The following DPYSL2 variants were observed in gnomAD, a reference collection of about 807,000 sequenced individuals.
The protein encoded by DPYSL2 is dihydropyrimidinase-related protein 2.
A neutral mutation model predicts 69.9 loss-of-function variants in DPYSL2; 13 were observed. That is an observed-to-expected ratio of 0.19 (90% CI 0.12 to 0.30). The LOEUF (loss-of-function observed/expected upper bound fraction) is 0.30, where lower values mean the gene tolerates loss of function less well. Ranked by LOEUF, DPYSL2 falls within the 10% of genes least tolerant of loss-of-function variation. DPYSL2 has a pLI of 1.00. For missense variants in DPYSL2, 587 were observed against 918.9 expected (o/e 0.64, Z 4.67); for synonymous variants, 326 against 359.1 (o/e 0.91, Z 1.04).
At position 26,560,392 on chromosome 8, in the gene DPYSL2, A is replaced by T. The variant is rs1801052261; in HGVS notation, c.355-21577A>T. Among the ~76,000 whole-genome samples the T allele has an allele frequency of 6.6e-6, 1 of 152,218 alleles. No homozygotes were observed. The highest frequency in any genetic ancestry group is 6.5e-5 in the Admixed American group (1 of 15,274). ...TTTAAGATAACATTTAGCTTTTATTACAATGATTGCAGCCCTCTGCTGGTG... is the reference window on the plus strand; with the variant it reads ...TTTAAGATAACATTTAGCTTTTATTTCAATGATTGCAGCCCTCTGCTGGTG... On this transcript the variant is annotated intron_variant, in intron 1 of 13. Transcript: ENST00000521913. The surrounding 1 kb of genome is among the most constrained non-coding windows in gnomAD (Gnocchi z 4.4).
intron 1 of DPYSL2, among the ~76,000 whole-genome samples, chr8:26,567,586 G>C (rs979424524): frequency 6.6e-6 from 1 of 152,264 alleles, no homozygotes; most frequent in Non-Finnish European, 1.5e-5. Flanking sequence ...TTGGCACTCT[G>C]CCAAGAGTCT....
intron 3 of DPYSL2, among the ~76,000 whole-genome samples, chr8:26,589,448 A>C (rs1801674502): frequency 6.6e-6 from 1 of 152,234 alleles, no homozygotes; most frequent in Non-Finnish European, 1.5e-5. Flanking sequence ...GGGTGAATGA[A>C]TGAGTGAGTG....
chr8:26,634,108 A>G (rs1368420188), intron 7 of DPYSL2, among the ~76,000 whole-genome samples: 2 of 152,234 alleles, frequency 1.3e-5, no homozygotes, highest in African/African-American at 2.4e-5. Flanking sequence ...GTAAGTGTGA[A>G]AATCACCCAC....
In DPYSL2 at chr8:26,567,355, C is replaced by CCCATCCATCCATCCAT. The variant is rs369652545; in HGVS notation, c.355-14612_355-14597dup. 3.1e-3 allele frequency among the ~76,000 whole-genome samples: 470 copies of CCCATCCATCCATCCAT among 149,952 alleles called. 1 individual carries two copies. Among genetic ancestry groups the CCCATCCATCCATCCAT allele is most frequent in the African/African-American group, 0.01 (414 of 40,552 alleles). On this transcript the variant is annotated intron_variant, in intron 1 of 13. Coordinates refer to ENST00000521913, the MANE Select transcript of DPYSL2 (RefSeq NM_001197293.3). Reference sequence around the variant, plus strand: ...ATATGAACATACATACATACATCTGCCCATCCATCCATCCATCTGCCCACC... The same window carrying CCCATCCATCCATCCAT: ...ATATGAACATACATACATACATCTGCCCATCCATCCATCCATCCATCCATCCATCCATCTGCCCACC...
rs115778056 is a variant in DPYSL2, at chr8:26,558,667, A to G, written c.355-23302A>G. On this transcript the variant is annotated intron_variant, in intron 1 of 13. Transcript: ENST00000521913. ...CACTAATGCAAGATGTTAATATATT[A>G]GTAATAGGAGAAACAGTGTTTGCCT... 1.6e-3 allele frequency among the ~76,000 whole-genome samples: 237 copies of G among 152,338 alleles called. 1 individual carries two copies. The highest frequency in any genetic ancestry group is 5.4e-3 in the African/African-American group (225 of 41,576).
In DPYSL2 at chr8:26,598,458, T is replaced by C. The variant is rs942018555; in HGVS notation, c.628+14475T>C. ...TTTTCCCTCCTGCTCTATGAAAACG[T>C]ATTTTCCATGTTAAAAAAGGAAGAT... On this transcript the variant is annotated intron_variant, in intron 3 of 13. Transcript: ENST00000521913. The surrounding 1 kb of genome is among the most constrained non-coding windows in gnomAD (Gnocchi z 4.2). Among the ~76,000 whole-genome samples, 1 of 152,210 alleles carries C rather than the reference T, an allele frequency of 6.6e-6. No homozygotes were observed. Among genetic ancestry groups the C allele is most frequent in the African/African-American group, 2.4e-5 (1 of 41,452 alleles).
intron 1 of DPYSL2, among the ~76,000 whole-genome samples, chr8:26,515,024 C>G (rs1428407713): frequency 1.3e-5 from 2 of 152,212 alleles, no homozygotes; most frequent in East Asian, 1.9e-4. Context: ...GGGCGGCTTC[C>G]GATTGCAGCT....
Position 26,624,302 on chromosome 8 carries a change from A to T in DPYSL2, c.788A>T (p.Asp263Val), listed in dbSNP as rs2129904696. Residue 263 changes from aspartate to valine, a missense_variant, in exon 4 of 14, where the codon GAT (aspartate) becomes GTT (valine). Coordinates refer to ENST00000521913, the MANE Select transcript of DPYSL2 (RefSeq NM_001197293.3). This position sits in a 1 kb window ranked among gnomAD's most constrained non-coding sequence, Gnocchi z 4.7. ...GAGGAGATGGAAGCGCTTGTGAAGG[A>T]TCACGGTAGGTTGCACTGAGTCAAT... ...IQEEMEALVK[D>V]HGVNSFLVYM... 6.2e-7 allele frequency: 1 copy of T among 1,614,134 alleles called. No individual in the cohort carries two copies. Among genetic ancestry groups the T allele is most frequent in the Non-Finnish European group, 8.5e-7 (1 of 1,179,992 alleles).
chr8:26,514,721 G>C lies in DPYSL2; in HGVS notation c.354+42G>C, dbSNP rs1440288388. ...GGGGTGGAGACGGAGGACGGGGCGC[G>C]GGGATCGCCCCTCCCTCGCCCCTGA... On this transcript the variant is annotated intron_variant, in intron 1 of 13. Coordinates refer to ENST00000521913, the MANE Select transcript of DPYSL2 (RefSeq NM_001197293.3). The surrounding 1 kb of genome is among the most constrained non-coding windows in gnomAD (Gnocchi z 8.4). The C allele has an allele frequency of 3.0e-6, 4 of 1,338,250 alleles. No homozygotes were observed. The highest frequency in any genetic ancestry group is 3.9e-6 in the Non-Finnish European group (4 of 1,037,628). The allele number at this position is 1,338,250 out of a possible 1,614,324, so 82.9% of individuals were successfully genotyped here.
At chr8:26,535,343 A>C (rs966925386) in intron 1 of DPYSL2, among the ~76,000 whole-genome samples, 1 of 152,108 alleles carries the variant, frequency 6.6e-6, no homozygotes, top group Non-Finnish European at 1.5e-5. Flanking sequence ...GGCCATGTGA[A>C]TTTTAGGGGA....
chr8:26,658,028 G>A lies in DPYSL2; in HGVS notation c.*2322G>A, dbSNP rs954538046. On this transcript the variant is annotated 3_prime_UTR_variant, in exon 14 of 14. Coordinates refer to ENST00000521913, the MANE Select transcript of DPYSL2 (RefSeq NM_001197293.3). The surrounding 1 kb of genome is among the most constrained non-coding windows in gnomAD (Gnocchi z 4.7). ...TTCAGTTCTAAAGCTGATAAAGTGT[G>A]TAGCCAGAAGAGTACTTTTTTTTTT... 5 of 152,530 alleles carry A rather than the reference G, an allele frequency of 3.3e-5. No homozygotes were observed. The highest frequency in any genetic ancestry group is 1.2e-4 in the African/African-American group (5 of 41,414). 9.4% of individuals were successfully genotyped at this position (152,530 alleles called of 1,614,324 possible).
At chr8:26,592,640 T>C (rs952054895) in intron 3 of DPYSL2, among the ~76,000 whole-genome samples, 24 of 151,754 alleles carry the variant, frequency 1.6e-4, no homozygotes, top group Middle Eastern at 6.9e-3. Context: ...CATGCCCAGC[T>C]AATTTTTTTT....
At chr8:26,523,153 G>GTATA (rs749896279) in intron 1 of DPYSL2, among the ~76,000 whole-genome samples, 1 of 149,746 alleles carries the variant, frequency 6.7e-6, no homozygotes, top group African/African-American at 2.5e-5. Context: ...AGACATACAT[G>GTATA]TATATATATA....
chr8:26,603,469 CTCTT>C (rs1415436826), intron 3 of DPYSL2, among the ~76,000 whole-genome samples: 1 of 152,224 alleles, frequency 6.6e-6, no homozygotes, highest in African/African-American at 2.4e-5. Flanking sequence ...CCGCGCCCGG[CTCTT>C]TCTTCTTTAT....
chr8:26,619,322 A>G lies in DPYSL2; in HGVS notation c.629-4821A>G, dbSNP rs951691355. Among the ~76,000 whole-genome samples the G allele has an allele frequency of 6.6e-6, 1 of 152,152 alleles. No homozygotes were observed. Among genetic ancestry groups the G allele is most frequent in the African/African-American group, 2.4e-5 (1 of 41,424 alleles). ...GAAAACATTTGGAGGCATTTCATGG[A>G]CACGTTTCTGAGTGTTATGAGCTCT... On this transcript the variant is annotated intron_variant, in intron 3 of 13. Transcript: ENST00000521913. This position sits in a 1 kb window ranked among gnomAD's most constrained non-coding sequence, Gnocchi z 4.8.
rs1258878274 is a variant in DPYSL2 at position 26,517,347 on chromosome 8, A to G, written c.354+2668A>G. On this transcript the variant is annotated intron_variant, in intron 1 of 13. Transcript: ENST00000521913. This position sits in a 1 kb window ranked among gnomAD's most constrained non-coding sequence, Gnocchi z 4.2. ...TTCAGAGTATGAGCCAGACAGCACC[A>G]GAAAGCGATGGGTGTGGCTTGACTC... is the stretch of plus-strand genomic sequence containing the variant. 6.6e-6 allele frequency among the ~76,000 whole-genome samples: 1 copy of G among 152,250 alleles called. No individual in the cohort carries two copies. The highest frequency in any genetic ancestry group is 1.5e-5 in the Non-Finnish European group (1 of 68,046).
At chr8:26,590,419 C>T (rs1176706363) in intron 3 of DPYSL2, among the ~76,000 whole-genome samples, 3 of 152,106 alleles carry the variant, frequency 2.0e-5, no homozygotes, top group African/African-American at 2.4e-5. Context: ...GGTGTCACTG[C>T]GTGAATCTCG....
At chr8:26,515,416 C>T (rs1397040723) in intron 1 of DPYSL2, among the ~76,000 whole-genome samples, 1 of 152,062 alleles carries the variant, frequency 6.6e-6, no homozygotes, top group Non-Finnish European at 1.5e-5. Flanking sequence ...CTTTAGGAAG[C>T]GGGGAACTAA....
intron 1 of DPYSL2, among the ~76,000 whole-genome samples, chr8:26,544,603 T>C (rs1585499549): frequency 6.6e-6 from 1 of 152,208 alleles, no homozygotes; most frequent in Non-Finnish European, 1.5e-5. Context: ...ATTGTTCTGG[T>C]CTAGAATCCT....
Sources: allele counts gnomAD v4.1 joint callset (sites outside exome capture counted in the v4.1 genomes callset), GRCh38; gene constraint gnomAD v4.1.1; non-coding constraint Gnocchi (gnomAD v3.1); transcripts MANE v1.5; gene names NCBI Gene and HGNC (gene_info 2026-07-23, HGNC 2026-07-21).